The following STPG2 variants were observed in gnomAD, a reference collection of about 807,000 sequenced individuals.
STPG2 encodes the protein sperm tail PG-rich repeat containing 2.
STPG2 carries 56 observed loss-of-function variants against 54.2 expected under a neutral mutation model. The observed-to-expected ratio is 1.03, with a 90% CI of 0.83 to 1.29. The LOEUF (loss-of-function observed/expected upper bound fraction) is 1.29. STPG2 is among the 50% of genes most tolerant of loss of function. STPG2 has a pLI of 0.00. For missense variants in STPG2, 596 were observed against 544.9 expected (o/e 1.09, Z -0.93); for synonymous variants, 200 against 181.8 (o/e 1.10, Z -0.81).
Position 97,994,957 on chromosome 4 carries a change from C to T in STPG2, c.613-13639G>A, listed in dbSNP as rs572531961. 3.3e-5 allele frequency among the ~76,000 whole-genome samples: 5 copies of T among 152,128 alleles called. No homozygotes were observed. The East Asian group carries it at 9.7e-4, about 29-fold the overall frequency. On this transcript the variant is annotated intron_variant, in intron 5 of 10. Coordinates refer to ENST00000295268, the MANE Select transcript of STPG2 (RefSeq NM_174952.3). ...TTAGGCGTGTCTGAGCTCAGCCTCT[C>T]CTTGGGTAGGACTTGCTGTGGCTGC... is the stretch of plus-strand genomic sequence containing the variant.
chr4:98,014,069 C>T (rs935412036), intron 5 of STPG2, among the ~76,000 whole-genome samples: 2 of 151,932 alleles, frequency 1.3e-5, no homozygotes, highest in East Asian at 3.9e-4. Context: ...GTGAGGGTGT[C>T]GATTTGAGAT....
intron 8 of STPG2, among the ~76,000 whole-genome samples, chr4:97,854,552 T>C (rs1254141570): frequency 1.3e-5 from 2 of 150,082 alleles, no homozygotes; most frequent in African/African-American, 4.9e-5. Context: ...CACTAGCAAA[T>C]ATTCATTCAA....
At chr4:97,980,287 T>C (rs762628963) in intron 6 of STPG2, among the ~76,000 whole-genome samples, 14 of 152,172 alleles carry the variant, frequency 9.2e-5, no homozygotes, top group Non-Finnish European at 1.5e-5. Flanking sequence ...GTAGGAACAA[T>C]GTAAATATTT....
chr4:98,060,822 C>G lies in STPG2; in HGVS notation c.612+45131G>C, dbSNP rs189584451. Among the ~76,000 whole-genome samples, 52 of 152,196 alleles carry G rather than the reference C, an allele frequency of 3.4e-4. 1 individual carries two copies. Among genetic ancestry groups the G allele is most frequent in the African/African-American group, 1.2e-3 (50 of 41,552 alleles). On this transcript the variant is annotated intron_variant, in intron 5 of 10. Transcript: ENST00000295268. ...ACAAAAACAAGCAATGGGGAAAAGA[C>G]TCCCCTTTTCAATTAATGGTACTGA...
intron 5 of STPG2, among the ~76,000 whole-genome samples, chr4:97,983,430 C>T (rs990424998): frequency 6.6e-6 from 1 of 152,112 alleles, no homozygotes; most frequent in African/African-American, 2.4e-5. Context: ...GGAGGGTTGG[C>T]ATCCCTAATC....
At chr4:97,894,952 T>C (rs1730904387) in intron 8 of STPG2, among the ~76,000 whole-genome samples, 1 of 151,948 alleles carries the variant, frequency 6.6e-6, no homozygotes, top group African/African-American at 2.4e-5. Context: ...ACTTGCAGTC[T>C]CAATTTGATG....
At chr4:97,717,216 A>T (rs1393964894) in intron 9 of STPG2, among the ~76,000 whole-genome samples, 1 of 152,214 alleles carries the variant, frequency 6.6e-6, no homozygotes, top group Non-Finnish European at 1.5e-5. Flanking sequence ...CGAATTTTAA[A>T]CAAAATGTCC....
chr4:97,505,744 A>G (rs1008102264), intron 4 of STPG2, among the ~76,000 whole-genome samples: 3 of 152,016 alleles, frequency 2.0e-5, no homozygotes, highest in Admixed American at 1.3e-4. Flanking sequence ...ACTACAGGTC[A>G]GTACTACTAT....
intron 4 of STPG2, among the ~76,000 whole-genome samples, chr4:97,481,751 G>A (rs545334622): frequency 7.3e-5 from 11 of 151,274 alleles, no homozygotes; most frequent in Non-Finnish European, 1.5e-4. Flanking sequence ...TTGTAAGCTT[G>A]TTTTATTTTT....
At chr4:97,834,149 A>T (rs1250318051) in intron 9 of STPG2, among the ~76,000 whole-genome samples, 9 of 152,200 alleles carry the variant, frequency 5.9e-5, no homozygotes, top group Admixed American at 5.9e-4. Context: ...AAAATGTGGC[A>T]TATATACACC....
intron 8 of STPG2, among the ~76,000 whole-genome samples, chr4:97,940,652 C>A (rs1435672449): frequency 1.3e-5 from 2 of 152,132 alleles, no homozygotes; most frequent in African/African-American, 4.8e-5. Context: ...CTCTGTTAGA[C>A]CTGTTAGGTT....
chr4:97,576,125 T>C (rs922140528), intron 10 of STPG2, among the ~76,000 whole-genome samples: 2 of 151,914 alleles, frequency 1.3e-5, no homozygotes, highest in Non-Finnish European at 2.9e-5. Context: ...TATAAACAAA[T>C]GGAAAAACAA....
chr4:97,891,756 G>C (rs1730778492), intron 8 of STPG2, among the ~76,000 whole-genome samples: 2 of 152,134 alleles, frequency 1.3e-5, no homozygotes, highest in Admixed American at 1.3e-4. Context: ...AGAAGAGGAT[G>C]AATTTTCTGG....
intron 4 of STPG2, among the ~76,000 whole-genome samples, chr4:97,551,692 T>G (rs772488607): frequency 5.9e-5 from 9 of 152,262 alleles, no homozygotes; most frequent in Non-Finnish European, 1.2e-4. Context: ...ACTGTAGTTA[T>G]TATTTTGCAA....
chr4:97,479,193 G>T (rs1730156661), intron 4 of STPG2, among the ~76,000 whole-genome samples: 1 of 151,652 alleles, frequency 6.6e-6, no homozygotes, highest in African/African-American at 2.4e-5. Context: ...ACTCAAACAG[G>T]AATCAAAATA....
intron 4 of STPG2, among the ~76,000 whole-genome samples, chr4:97,535,202 C>A (rs1433608533): frequency 6.6e-6 from 1 of 152,072 alleles, no homozygotes; most frequent in East Asian, 1.9e-4. Context: ...TAAAATACTG[C>A]CGACTGTTTT....
intron 9 of STPG2, among the ~76,000 whole-genome samples, chr4:97,734,141 C>T (rs1464031459): frequency 6.6e-6 from 1 of 152,128 alleles, no homozygotes; most frequent in Non-Finnish European, 1.5e-5. Flanking sequence ...TACCTGTGTA[C>T]TTGAGTTATA....
At chr4:97,995,172 C>T (rs1388451063) in intron 5 of STPG2, among the ~76,000 whole-genome samples, 1 of 139,488 alleles carries the variant, frequency 7.2e-6, no homozygotes, top group East Asian at 2.4e-4. Flanking sequence ...GCCCCCTCAC[C>T]CCCCCACCCC....
chr4:98,058,761 A>C (rs1166570292), intron 5 of STPG2, among the ~76,000 whole-genome samples: 1 of 152,176 alleles, frequency 6.6e-6, no homozygotes, highest in South Asian at 2.1e-4. Context: ...CAGAATATAC[A>C]TTCTTCTAAT....
Sources: gnomAD v4.1 joint callset for allele counts (sites outside exome capture counted in the v4.1 genomes callset) on GRCh38, gnomAD v4.1.1 for gene constraint, MANE v1.5 for transcripts, NCBI Gene and HGNC (gene_info 2026-07-23, HGNC 2026-07-21) for gene names.